RIMS2: variants seen among roughly 807,000 people sequenced by gnomAD.
RIMS2 encodes regulating synaptic membrane exocytosis 2.
In RIMS2, 59 loss-of-function variants were observed where a neutral mutation model predicts 174.4. That is an observed-to-expected ratio of 0.34 (90% CI 0.27 to 0.42). RIMS2 has a LOEUF of 0.42. RIMS2 is among the 10% of genes least tolerant of loss of function. The pLI is 1.00. For missense variants in RIMS2, 1,620 were observed against 1,666.3 expected (o/e 0.97, Z 0.48); for synonymous variants, 606 against 572.5 (o/e 1.06, Z -0.84).
At chr8:103,601,069 C>G (rs899138137) in intron 1 of RIMS2, among the ~76,000 whole-genome samples, 4 of 152,108 alleles carry the variant, frequency 2.6e-5, no homozygotes, top group Admixed American at 2.6e-4. Context: ...GATTCTTTTC[C>G]TATAGCGTTG....
chr8:103,876,909 T>TATACATACAC (rs71297243), intron 3 of RIMS2, among the ~76,000 whole-genome samples: 1 of 66,112 alleles, frequency 1.5e-5, no homozygotes, highest in Non-Finnish European at 3.6e-5. Context: ...TATATATATA[T>TATACATACAC]ACACACACAC....
intron 1 of RIMS2, among the ~76,000 whole-genome samples, chr8:103,525,124 C>A (rs1338711926): frequency 1.3e-5 from 2 of 152,112 alleles, no homozygotes; most frequent in African/African-American, 2.4e-5. Flanking sequence ...ATTCTTTAAT[C>A]ATAATAAGAA....
At chr8:103,828,878 T>C (rs1243638996) in intron 3 of RIMS2, among the ~76,000 whole-genome samples, 1 of 152,046 alleles carries the variant, frequency 6.6e-6, no homozygotes, top group Non-Finnish European at 1.5e-5. Context: ...ATGGTTGTAG[T>C]TGTGTGGCTT....
Position 103,698,651 on chromosome 8 carries a change from T to G in RIMS2, c.387+1355T>G, listed in dbSNP as rs547205566. 5.5e-4 allele frequency among the ~76,000 whole-genome samples: 83 copies of G among 152,260 alleles called. 1 individual carries two copies. The highest frequency in any genetic ancestry group is 7.9e-4 in the African/African-American group (33 of 41,546). ...AATGGATTTGATTTGATCATTTTTT[T>G]GGGGGATGAGTGTCTTGCTATGTTG... On this transcript the variant is annotated intron_variant, in intron 2 of 23. Coordinates refer to ENST00000504942, the Ensembl canonical transcript of RIMS2.
chr8:104,012,699 A>G (rs1367056684), intron 17 of RIMS2, among the ~76,000 whole-genome samples: 1 of 152,160 alleles, frequency 6.6e-6, no homozygotes, highest in Non-Finnish European at 1.5e-5. Context: ...AAAGGTCAAC[A>G]ATGAGAGGTT....
chr8:103,998,014 C>G (rs1370540964), intron 17 of RIMS2, among the ~76,000 whole-genome samples: 1 of 151,576 alleles, frequency 6.6e-6, no homozygotes, highest in Non-Finnish European at 1.5e-5. Context: ...TTGGCACTGT[C>G]ATATTACAGT....
intron 1 of RIMS2, among the ~76,000 whole-genome samples, chr8:103,655,568 T>C (rs755097999): frequency 2.0e-5 from 3 of 152,160 alleles, no homozygotes; most frequent in Non-Finnish European, 4.4e-5. Flanking sequence ...GATTAATAAA[T>C]GTACTTTTGA....
chr8:103,682,327 A>T (rs1199995181), intron 1 of RIMS2, among the ~76,000 whole-genome samples: 1 of 152,124 alleles, frequency 6.6e-6, no homozygotes, highest in African/African-American at 2.4e-5. Context: ...TTGACCTGCG[A>T]AGGAGAAAGA....
chr8:103,536,497 G>A (rs954265975), intron 1 of RIMS2, among the ~76,000 whole-genome samples: 1 of 152,084 alleles, frequency 6.6e-6, no homozygotes, highest in Non-Finnish European at 1.5e-5. Flanking sequence ...AGAAAAGCAG[G>A]TTAATTTAAT....
intron 19 of RIMS2, among the ~76,000 whole-genome samples, chr8:104,061,826 T>G (rs569071337): frequency 6.6e-6 from 1 of 151,926 alleles, no homozygotes; most frequent in Non-Finnish European, 1.5e-5. Flanking sequence ...TTTTGCACCT[T>G]TAGGAATTTT....
intron 2 of RIMS2, among the ~76,000 whole-genome samples, chr8:103,724,119 T>A (rs781219268): frequency 2.2e-5 from 3 of 137,188 alleles, no homozygotes; most frequent in Non-Finnish European, 3.1e-5. Context: ...GGAGGGGTGA[T>A]GTAAATAATG....
At chr8:103,702,919 C>T (rs1387056817) in intron 2 of RIMS2, among the ~76,000 whole-genome samples, 4 of 132,686 alleles carry the variant, frequency 3.0e-5, no homozygotes, top group Non-Finnish European at 6.3e-5. Flanking sequence ...TTTTTGGTTG[C>T]ATTAGAATTT....
intron 1 of RIMS2, among the ~76,000 whole-genome samples, chr8:103,662,169 T>A (rs2096609293): frequency 6.6e-6 from 1 of 152,250 alleles, no homozygotes; most frequent in South Asian, 2.1e-4. Context: ...TATTCAAGGC[T>A]GTCCTGGGCC....
At chr8:103,714,780 T>C (rs2097349113) in intron 2 of RIMS2, among the ~76,000 whole-genome samples, 1 of 152,072 alleles carries the variant, frequency 6.6e-6, no homozygotes, top group African/African-American at 2.4e-5. Context: ...TTAAAGTAAA[T>C]TGATCTTGTG....
chr8:103,618,131 C>A (rs146855104), intron 1 of RIMS2, among the ~76,000 whole-genome samples: 168 of 152,196 alleles, frequency 1.1e-3, no homozygotes, highest in African/African-American at 3.9e-3. Flanking sequence ...ATGTGGTACA[C>A]ATACTCCATG....
chr8:103,838,646 C>T lies in RIMS2; in HGVS notation c.699-46652C>T, dbSNP rs889096410. Among the ~76,000 whole-genome samples the T allele has an allele frequency of 5.3e-5, 8 of 152,174 alleles. No individual in the cohort carries two copies. The South Asian group carries it at 6.2e-4, about 12-fold the overall frequency. On this transcript the variant is annotated intron_variant, in intron 3 of 23. Transcript: ENST00000504942. ...CCATTCTATTACTTCTCAAAAGTTACGAATATTTTGGATAAGCAGAAGGTG... is the reference window on the plus strand; with the variant it reads ...CCATTCTATTACTTCTCAAAAGTTATGAATATTTTGGATAAGCAGAAGGTG...
intron 19 of RIMS2, among the ~76,000 whole-genome samples, chr8:104,176,525 C>A (rs1014579172): frequency 3.9e-5 from 6 of 152,028 alleles, no homozygotes; most frequent in African/African-American, 1.4e-4. Flanking sequence ...TCTGTCCTTG[C>A]TGTGAAGTTA....
At chr8:104,140,126 T>C (rs2098554016) in intron 19 of RIMS2, among the ~76,000 whole-genome samples, 1 of 152,166 alleles carries the variant, frequency 6.6e-6, no homozygotes, top group Non-Finnish European at 1.5e-5. Flanking sequence ...TTGGTCATGA[T>C]GAAAGTTCTT....
chr8:103,895,187 T>C (rs1198122873), intron 4 of RIMS2, among the ~76,000 whole-genome samples: 1 of 149,268 alleles, frequency 6.7e-6, no homozygotes, highest in Non-Finnish European at 1.5e-5. Flanking sequence ...TTTTTTTTTT[T>C]CATTTTTGAA....
Sources: gnomAD v4.1 joint callset for allele counts (sites outside exome capture counted in the v4.1 genomes callset) on GRCh38, gnomAD v4.1.1 for gene constraint, MANE v1.5 for transcripts, NCBI Gene and HGNC (gene_info 2026-07-23, HGNC 2026-07-21) for gene names.